BARD1: variants seen among roughly 807,000 people sequenced by gnomAD.
BARD1 encodes the protein BRCA1-associated RING domain protein 1.
A neutral mutation model predicts 77.0 loss-of-function variants in BARD1; 73 were observed. The ratio of observed to expected loss-of-function variants is 0.95; its 90% CI spans 0.79 to 1.15. BARD1 has a LOEUF of 1.15. BARD1 is among the 50% of genes most tolerant of loss of function. The pLI is 0.00. For missense variants in BARD1, 993 were observed against 938.8 expected (o/e 1.06, Z -0.75); for synonymous variants, 384 against 338.0 (o/e 1.14, Z -1.49).
At chr2:214,743,438 T>C (rs1692940406) in intron 9 of BARD1, among the ~76,000 whole-genome samples, 2 of 152,214 alleles carry the variant, frequency 1.3e-5, no homozygotes, top group Admixed American at 1.3e-4. Flanking sequence ...TAAAAATAAT[T>C]ATAGTCACAG....
Position 214,809,435 on chromosome 2 carries a change from C to T in BARD1, c.135G>A (p.Glu45=). The T allele has an allele frequency of 6.2e-7, 1 of 1,612,334 alleles. No individual in the cohort carries two copies. Among genetic ancestry groups the T allele is most frequent in the Non-Finnish European group, 8.5e-7 (1 of 1,179,800 alleles). The part of the protein sequence containing the change: ...AHSRAALDRL[E]KLLRCSRCTN... Reference sequence around the variant, plus strand: ...ACCAACGCGAGCAGCGCAGCAGCTTCTCCAGGCGGTCGAGCGCGGCGCGAC... The same window carrying T: ...ACCAACGCGAGCAGCGCAGCAGCTTTTCCAGGCGGTCGAGCGCGGCGCGAC... Residue 45 remains glutamate, a synonymous_variant, in exon 1 of 11, where the codon GAG becomes GAA. Transcript: ENST00000260947.
At position 214,797,049 on chromosome 2, in the gene BARD1, G is replaced by GT; in HGVS notation, c.215+11dup. 3 of 1,599,160 alleles carry GT rather than the reference G, an allele frequency of 1.9e-6. No homozygotes were observed. The highest frequency in any genetic ancestry group is 2.6e-6 in the Non-Finnish European group (3 of 1,166,612). On this transcript the variant is annotated intron_variant, in intron 2 of 10. Transcript: ENST00000260947. ...ACAGTTGTACTATATACATCAAACC[G>GT]TAATTACTTACCTACAGAAGATGTG...
rs990104824 is a variant in BARD1, at chr2:214,786,009, C to T, written c.365-4500G>A. On this transcript the variant is annotated intron_variant, in intron 3 of 10. Transcript: ENST00000260947. The stretch of plus-strand genomic sequence containing the variant: ...TCCTTAAGTCACTCTTCATTCAAAT[C>T]GAAAAGAACTCTGCATAAAACTTTA... 7.2e-5 allele frequency among the ~76,000 whole-genome samples: 11 copies of T among 152,000 alleles called. No individual in the cohort carries two copies. In the South Asian group the frequency reaches 1.5e-3, roughly 20 times the overall value.
At chr2:214,759,652 A>T (rs1693856757) in intron 6 of BARD1, among the ~76,000 whole-genome samples, 1 of 152,222 alleles carries the variant, frequency 6.6e-6, no homozygotes. Flanking sequence ...ACAAAAGAGA[A>T]AGTATGAAGT....
chr2:214,804,849 C>G (rs1487795395), intron 1 of BARD1, among the ~76,000 whole-genome samples: 1 of 152,186 alleles, frequency 6.6e-6, no homozygotes, highest in Non-Finnish European at 1.5e-5. Context: ...TCCCTGCAAC[C>G]TGGCTCCATT....
At chr2:214,730,910 T>A in intron 9 of BARD1, 1 of 457,618 alleles carries the variant, frequency 2.2e-6, no homozygotes. Context: ...GCACTTACCA[T>A]CTATACTGCT....
intron 7 of BARD1, 149 bp from the exon 8 acceptor site, chr2:214,746,003 AC>A: frequency 1.0e-6 from 1 of 966,384 alleles, no homozygotes; most frequent in Non-Finnish European, 1.5e-6. Context: ...TACACCCAGA[AC>A]CTTTTAAATA....
At chr2:214,730,715 C>T (rs371902585) in intron 9 of BARD1, among the ~76,000 whole-genome samples, 1 of 152,090 alleles carries the variant, frequency 6.6e-6, no homozygotes, top group Admixed American at 6.5e-5. Context: ...TTTTAAAAAA[C>T]TCTTTCTTTG....
Position 214,767,640 on chromosome 2 carries a change from A to G in BARD1, c.1410T>C (p.Asn470=). ...AGWTPLHEAC[N]HGHLKVVELL... The stretch of plus-strand genomic sequence containing the variant: ...ATTCCACTACCTTCAGGTGCCCATG[A>G]TTGCAAGCTTCATGCTAATTAAATT... The change falls in exon 6 of 11, where the codon AAT becomes AAC. Residue 470 remains asparagine (N), a synonymous_variant. Coordinates refer to ENST00000260947, the MANE Select transcript of BARD1 (RefSeq NM_000465.4). The G allele has an allele frequency of 6.2e-7, 1 of 1,614,042 alleles. No individual in the cohort carries two copies. The highest frequency in any genetic ancestry group is 8.5e-7 in the Non-Finnish European group (1 of 1,179,942).
At chr2:214,771,198 A>C (rs896294754) in intron 4 of BARD1, among the ~76,000 whole-genome samples, 15 of 152,198 alleles carry the variant, frequency 9.9e-5, no homozygotes, top group Non-Finnish European at 2.1e-4. Context: ...ATGACGATAA[A>C]GCAAAAATAT....
In BARD1 at chr2:214,745,092, A is replaced by G; in HGVS notation, c.1878T>C (p.Asn626=). 1.2e-6 allele frequency: 2 copies of G among 1,614,044 alleles called. No homozygotes were observed. The highest frequency in any genetic ancestry group is 2.2e-5 in the South Asian group (2 of 91,078). The change falls in exon 9 of 11, where the codon AAT becomes AAC. Residue 626 remains asparagine, a synonymous_variant. Transcript: ENST00000260947. The part of the protein sequence containing the change: ...STLKCMLGIL[N]GCWILKFEWV... ...ATTCAAATTTTAGAATCCAGCATCC[A>G]TTGAGAATCCCAAGCATACACTTCA...
rs1695557391 is a variant in BARD1, at chr2:214,792,346, A to T, written c.315T>A (p.Ile105=). 1 of 1,613,432 alleles carries T rather than the reference A, an allele frequency of 6.2e-7. No individual in the cohort carries two copies. Among genetic ancestry groups the T allele is most frequent in the East Asian group, 2.2e-5 (1 of 44,842 alleles). The part of the protein sequence containing the change: ...LKINRQLDSM[I]QLCSKLRNLL... ...AATTTCGAAGCTTACTACAAAGTTG[A>T]ATCATGCTGTCCAGTTGTCTATTTA... is the stretch of plus-strand genomic sequence containing the variant. The change falls in exon 3 of 11, where the codon ATT becomes ATA. Residue 105 remains isoleucine (I), a synonymous_variant. Transcript: ENST00000260947.
chr2:214,797,122 T>C lies in BARD1; in HGVS notation c.159-5A>G, dbSNP rs876658380. Reference sequence around the variant, plus strand: ...GGCTCTCTCAGAATGTTAGTACTGTTTGAAGAAATTAAAACAATCAAGATT... The same window carrying C: ...GGCTCTCTCAGAATGTTAGTACTGTCTGAAGAAATTAAAACAATCAAGATT... On this transcript the variant is annotated splice_polypyrimidine_tract_variant and splice_region_variant and intron_variant, in intron 1 of 10. Transcript: ENST00000260947. The C allele has an allele frequency of 6.2e-7, 1 of 1,611,388 alleles. No individual in the cohort carries two copies. Among genetic ancestry groups the C allele is most frequent in the Non-Finnish European group, 8.5e-7 (1 of 1,177,716 alleles).
At chr2:214,752,578 G>C (rs1165052521) in intron 6 of BARD1, 23 bp from the exon 7 acceptor site, 1 of 1,555,142 alleles carries the variant, frequency 6.4e-7, no homozygotes, top group East Asian at 2.2e-5. Flanking sequence ...GTGCAGATGT[G>C]TTTAAGTAAG....
At chr2:214,765,687 C>T (rs62197314) in intron 6 of BARD1, among the ~76,000 whole-genome samples, 2,021 of 152,202 alleles carry the variant, frequency 0.013, 23 homozygotes, top group Middle Eastern at 0.024. Flanking sequence ...AGGGTCATAT[C>T]GGTTAGGTCC....
chr2:214,760,769 G>C (rs1365476125), intron 6 of BARD1, among the ~76,000 whole-genome samples: 1 of 150,026 alleles, frequency 6.7e-6, no homozygotes, highest in East Asian at 2.0e-4. Context: ...CAGTTCACAG[G>C]GACTTTTTTC....
At chr2:214,781,771 C>T (rs1209076186) in intron 3 of BARD1, among the ~76,000 whole-genome samples, 10 of 151,810 alleles carry the variant, frequency 6.6e-5, no homozygotes, top group East Asian at 1.9e-4. Flanking sequence ...ATATAGTACC[C>T]AAAAAAACCC....
At chr2:214,771,411 A>G (rs970301244) in intron 4 of BARD1, among the ~76,000 whole-genome samples, 10 of 152,074 alleles carry the variant, frequency 6.6e-5, no homozygotes, top group Non-Finnish European at 1.3e-4. Flanking sequence ...TCCTAAATAT[A>G]ATATTTGATT....
At chr2:214,743,885 T>G (rs1692969709) in intron 9 of BARD1, among the ~76,000 whole-genome samples, 1 of 152,204 alleles carries the variant, frequency 6.6e-6, no homozygotes, top group Non-Finnish European at 1.5e-5. Flanking sequence ...TAAATGCACT[T>G]GTTTGCATAA....
Sources: gnomAD v4.1 joint callset for allele counts (sites outside exome capture counted in the v4.1 genomes callset) on GRCh38, gnomAD v4.1.1 for gene constraint, MANE v1.5 for transcripts, NCBI Gene and HGNC (gene_info 2026-07-23, HGNC 2026-07-21) for gene names.